The following TPR variants were observed in gnomAD, a reference collection of about 807,000 sequenced individuals.
TPR encodes the protein nucleoprotein TPR.
A neutral mutation model predicts 316.1 loss-of-function variants in TPR; 51 were observed. That is an observed-to-expected ratio of 0.16 (90% confidence interval 0.13 to 0.20). The LOEUF (loss-of-function observed/expected upper bound fraction) is 0.20, where lower values mean the gene tolerates loss of function less well. Among genes scored for constraint, TPR ranks in the 10% least tolerant of loss-of-function variants. The pLI is 1.00. For missense variants in TPR, 2,272 were observed against 2,754.8 expected (o/e 0.82, Z 3.92); for synonymous variants, 981 against 914.7 (o/e 1.07, Z -1.31).
chr1:186,363,194 T>C, intron 5 of TPR, 148 bp downstream of exon 5: 1 of 946,284 alleles, frequency 1.1e-6, no homozygotes, highest in Admixed American at 2.9e-5. Flanking sequence ...ACAGATGAAC[T>C]AGAATTGTCC....
chr1:186,327,281 T>TATA (rs1553227936), intron 40 of TPR, among the ~76,000 whole-genome samples, 179 bp downstream of exon 40: 1 of 4,476 alleles, frequency 2.2e-4, no homozygotes, highest in African/African-American at 1.6e-3. Context: ...TATTTATATA[T>TATA]AATATATATA....
At chr1:186,348,232 T>A (rs917423917) in intron 21 of TPR, among the ~76,000 whole-genome samples, 1 of 152,124 alleles carries the variant, frequency 6.6e-6, no homozygotes, top group Non-Finnish European at 1.5e-5. Flanking sequence ...GGGAAAAGAA[T>A]GCGTCCCTGG....
At chr1:186,326,577 C>A (rs952310599) in intron 40 of TPR, among the ~76,000 whole-genome samples, 1 of 151,792 alleles carries the variant, frequency 6.6e-6, no homozygotes, top group Non-Finnish European at 1.5e-5. Flanking sequence ...ATATCAGGAG[C>A]TATTTAAAAA....
At chr1:186,320,164 A>T (rs2102051303) in intron 46 of TPR, 148 bp downstream of exon 46, 2 of 665,124 alleles carry the variant, frequency 3.0e-6, no homozygotes, top group South Asian at 5.1e-5. Flanking sequence ...CTTAATAAGT[A>T]TACTACAGCA....
intron 34 of TPR, 42 bp from the exon 35 acceptor site, chr1:186,335,171 G>A (rs1658301154): frequency 6.3e-7 from 1 of 1,580,084 alleles, no homozygotes; most frequent in African/African-American, 1.4e-5. Flanking sequence ...TAGCCCACAA[G>A]AGTCCACTAA....
chr1:186,368,057 T>C, intron 3 of TPR, 75 bp from the exon 4 acceptor site: 1 of 1,037,116 alleles, frequency 9.6e-7, no homozygotes. Context: ...ATTGTCACTT[T>C]AGTTAACATC....
chr1:186,338,247 T>C lies in TPR; in HGVS notation c.4152-4A>G, dbSNP rs1571614816. On this transcript the variant is annotated splice_polypyrimidine_tract_variant and splice_region_variant and intron_variant, in intron 30 of 50. Transcript: ENST00000367478. Reference sequence around the variant, plus strand: ...GTTAGTCAAAGATGCATTTGATCTTTAAAAAATGGAGGAAAGAAGAAAGAT... The same window carrying C: ...GTTAGTCAAAGATGCATTTGATCTTCAAAAAATGGAGGAAAGAAGAAAGAT... The C allele has an allele frequency of 2.5e-6, 4 of 1,590,376 alleles. No individual in the cohort carries two copies. Among genetic ancestry groups the C allele is most frequent in the Non-Finnish European group, 3.4e-6 (4 of 1,171,754 alleles).
intron 13 of TPR, 52 bp downstream of exon 13, chr1:186,358,491 T>A (rs1659090940): frequency 2.9e-6 from 4 of 1,388,120 alleles, no homozygotes. Flanking sequence ...ATTCAAAGAT[T>A]ACTGGGCAGT....
chr1:186,368,807 C>G (rs1027651030), intron 3 of TPR, among the ~76,000 whole-genome samples: 15 of 151,974 alleles, frequency 9.9e-5, no homozygotes, highest in African/African-American at 3.6e-4. Flanking sequence ...CTGATGTGAT[C>G]CAAACAATCA....
At chr1:186,339,580 T>G in intron 30 of TPR, 62 bp downstream of exon 30, 1 of 1,342,970 alleles carries the variant, frequency 7.4e-7, no homozygotes, top group Non-Finnish European at 9.7e-7. Context: ...TGGGGAGTCA[T>G]GTAAATAAGT....
At chr1:186,338,340 T>TA (rs1658401505) in intron 30 of TPR, 97 bp from the exon 31 acceptor site, 6 of 792,746 alleles carry the variant, frequency 7.6e-6, no homozygotes, top group African/African-American at 5.4e-5. Context: ...CTTTAATAAC[T>TA]TTTTTTTTTG....
intron 4 of TPR, among the ~76,000 whole-genome samples, chr1:186,365,708 T>C (rs149875955): frequency 1.0e-3 from 152 of 152,336 alleles, no homozygotes; most frequent in African/African-American, 3.6e-3. Flanking sequence ...AAGGCTGAAA[T>C]AATAAATTCC....
Position 186,375,222 on chromosome 1 carries a change from C to A in TPR, c.-194G>T. On this transcript the variant is annotated 5_prime_UTR_variant, in exon 1 of 51. Transcript: ENST00000367478. Reference sequence around the variant, plus strand: ...GAGTCCACCCTCAGCGGCAGCGTTTCAGCAACAGCACCTCACCGCCCGCGA... The same window carrying A: ...GAGTCCACCCTCAGCGGCAGCGTTTAAGCAACAGCACCTCACCGCCCGCGA... 6.7e-7 allele frequency: 1 copy of A among 1,482,528 alleles called. No individual in the cohort carries two copies. The highest frequency in any genetic ancestry group is 9.0e-7 in the Non-Finnish European group (1 of 1,114,940). The allele number at this position is 1,482,528 out of a possible 1,614,324, so 91.8% of individuals were successfully genotyped here.
chr1:186,360,937 AACAT>A, intron 9 of TPR, 32 bp from the exon 10 acceptor site: 1 of 1,595,598 alleles, frequency 6.3e-7, no homozygotes, highest in South Asian at 1.1e-5. Context: ...CAAATATTCA[AACAT>A]ACAGTTAAAA....
intron 26 of TPR, 91 bp downstream of exon 26, chr1:186,343,815 C>T (rs928517901): frequency 1.3e-5 from 15 of 1,119,008 alleles, no homozygotes; most frequent in African/African-American, 3.2e-5. Context: ...ATATCAAAAT[C>T]GTGTATAATC....
At position 186,341,055 on chromosome 1, in the gene TPR, A is replaced by G. The variant is rs745686898; in HGVS notation, c.3993T>C (p.Asp1331=). 2 of 1,613,990 alleles carry G rather than the reference A, an allele frequency of 1.2e-6. No homozygotes were observed. The highest frequency in any genetic ancestry group is 2.2e-5 in the South Asian group (2 of 91,036). ...GGTTACGTGCTTTCCAACGTTTGAC[A>G]TCCTCTTCTAAGAGCTTCTTCTCTG... The part of the protein sequence containing the change: ...LQAEKKLLEE[D]VKRWKARNQH... The change falls in exon 29 of 51, where the codon GAT becomes GAC. Residue 1331 remains aspartate (D), a synonymous_variant. Coordinates refer to ENST00000367478, the MANE Select transcript of TPR (RefSeq NM_003292.3).
chr1:186,346,203 C>T lies in TPR; in HGVS notation c.3028G>A (p.Glu1010Lys), dbSNP rs1558015168. 6.2e-7 allele frequency: 1 copy of T among 1,613,388 alleles called. No individual in the cohort carries two copies. The highest frequency in any genetic ancestry group is 8.5e-7 in the Non-Finnish European group (1 of 1,179,700). ...FQTQLEKKLM[E>K]VEKEKQELQD... Reference sequence around the variant, plus strand: ...AGTTCTTGTTTTTCCTTCTCTACTTCCATCAACTTCTTTTCCAACTGTGTC... The same window carrying T: ...AGTTCTTGTTTTTCCTTCTCTACTTTCATCAACTTCTTTTCCAACTGTGTC... The change falls in exon 23 of 51, where the codon GAA (glutamate) becomes AAA (lysine). Residue 1010 changes from glutamate to lysine, a missense_variant. Around this residue, in one of 10 missense-constraint regions of TPR, gnomAD observed 757 missense variants for 859.8 expected, o/e 0.88. Coordinates refer to ENST00000367478, the MANE Select transcript of TPR (RefSeq NM_003292.3).
Position 186,339,766 on chromosome 1 carries a change from C to G in TPR, c.4027G>C (p.Val1343Leu), listed in dbSNP as rs1348317234. 5 of 1,580,912 alleles carry G rather than the reference C, an allele frequency of 3.2e-6. No individual in the cohort carries two copies. The Admixed American group carries it at 9.5e-5, about 30-fold the overall frequency. The change falls in exon 30 of 51, where the codon GTA becomes CTA. Residue 1343 changes from valine (V) to leucine (L), a missense_variant. Val to Leu is a conservative substitution (Grantham distance 32). Around this residue, in one of 10 missense-constraint regions of TPR, gnomAD observed 96 missense variants for 134.6 expected, o/e 0.71. Transcript: ENST00000367478. ...GTATCTGGATCTTTCTGTTGACTTA[C>G]TAGATGCTAGAATAACAAAAATGCA... ...KRWKARNQHL[V>L]SQQKDPDTEE...
chr1:186,352,897 C>G (rs1297472539), intron 18 of TPR, among the ~76,000 whole-genome samples: 2 of 152,038 alleles, frequency 1.3e-5, no homozygotes, highest in African/African-American at 4.8e-5. Flanking sequence ...TGATCAAAGA[C>G]AGAAGAGATA....
Sources: gnomAD v4.1 joint callset for allele counts (sites outside exome capture counted in the v4.1 genomes callset) on GRCh38, gnomAD v4.1.1 for gene constraint, gnomAD v4.1.1 regional missense constraint, MANE v1.5 for transcripts, NCBI Gene and HGNC (gene_info 2026-07-23, HGNC 2026-07-21) for gene names.